The following HTT variants were observed in gnomAD, a reference collection of about 807,000 sequenced individuals.
The protein encoded by HTT is huntington disease protein.
HTT carries 104 observed loss-of-function variants against 362.3 expected under a neutral mutation model. That is an observed-to-expected ratio of 0.29 (90% CI 0.24 to 0.34). The LOEUF is 0.34. Among genes scored for constraint, HTT ranks in the 10% least tolerant of loss-of-function variants. The probability of loss-of-function intolerance (pLI) is 1.00; values close to 1 mark genes in which losing one functional copy is unlikely to be tolerated. For missense variants in HTT, 3,301 were observed against 3,928.6 expected, an observed-to-expected ratio of 0.84 and a Z score of 4.27; for synonymous variants, 1,577 against 1,548.7, an observed-to-expected ratio of 1.02 and a Z score of -0.43.
intron 2 of HTT, among the ~76,000 whole-genome samples, chr4:3,097,933 G>A (rs1389709147): frequency 6.6e-6 from 1 of 152,144 alleles, no homozygotes; most frequent in African/African-American, 2.4e-5. Context: ...TGAAAATTTA[G>A]TGTCTGAATT....
At chr4:3,093,534 T>C (rs1027060813) in intron 2 of HTT, among the ~76,000 whole-genome samples, 3 of 152,150 alleles carry the variant, frequency 2.0e-5, no homozygotes, top group African/African-American at 7.2e-5. Flanking sequence ...CAAGTCCTAA[T>C]CCCTGGAGCC....
intron 2 of HTT, among the ~76,000 whole-genome samples, chr4:3,094,236 A>G (rs1713690952): frequency 6.6e-6 from 1 of 152,100 alleles, no homozygotes; most frequent in South Asian, 2.1e-4. Context: ...GGTTGGGGGT[A>G]AGGTTATAGA....
At chr4:3,187,533 G>T (rs1286389058) in intron 38 of HTT, 118 bp from the exon 39 acceptor site, 2 of 711,712 alleles carry the variant, frequency 2.8e-6, no homozygotes, top group Non-Finnish European at 4.9e-6. Context: ...CAGTGATAGA[G>T]AGGTTTATTG....
intron 6 of HTT, 33 bp from the exon 7 acceptor site, chr4:3,115,271 A>T (rs10488839): frequency 3.1e-6 from 5 of 1,602,406 alleles, no homozygotes; most frequent in Non-Finnish European, 4.3e-6. Context: ...TAGGAGCTTC[A>T]TCTTTTATCT....
intron 1 of HTT, among the ~76,000 whole-genome samples, chr4:3,079,860 G>A (rs1300628328): frequency 6.6e-6 from 1 of 152,190 alleles, no homozygotes; most frequent in Admixed American, 6.5e-5. Context: ...ACCGGCTGTC[G>A]GCTGTGGGCA....
At chr4:3,132,934 C>T (rs1225219405) in intron 18 of HTT, 23 bp downstream of exon 18, 1 of 1,517,384 alleles carries the variant, frequency 6.6e-7, no homozygotes, top group Non-Finnish European at 9.2e-7. Flanking sequence ...TTCTGTGGAA[C>T]CATTTCTTCA....
chr4:3,192,749 T>C (rs1373241310), intron 40 of HTT, among the ~76,000 whole-genome samples: 1 of 152,224 alleles, frequency 6.6e-6, no homozygotes, highest in Non-Finnish European at 1.5e-5. Flanking sequence ...CAGGGTGCTT[T>C]TGTGATCAAA....
At chr4:3,155,997 A>G (rs1316366674) in intron 27 of HTT, among the ~76,000 whole-genome samples, 1 of 152,138 alleles carries the variant, frequency 6.6e-6, no homozygotes, top group Non-Finnish European at 1.5e-5. Flanking sequence ...GAACACTTAA[A>G]ATCTACTCTT....
At chr4:3,229,726 C>T (rs1045938266) in intron 59 of HTT, among the ~76,000 whole-genome samples, 161 bp from the exon 60 acceptor site, 1 of 152,164 alleles carries the variant, frequency 6.6e-6, no homozygotes, top group African/African-American at 2.4e-5. Context: ...CACACAGACA[C>T]AGCACACGCA....
At chr4:3,095,315 A>G (rs1713796724) in intron 2 of HTT, among the ~76,000 whole-genome samples, 1 of 152,378 alleles carries the variant, frequency 6.6e-6, no homozygotes, top group African/African-American at 2.4e-5. Flanking sequence ...ACTTGCAGTC[A>G]GGAGCTGGAG....
At chr4:3,146,757 A>G (rs377710778) in intron 24 of HTT, 40 bp from the exon 25 acceptor site, 1 of 1,595,940 alleles carries the variant, frequency 6.3e-7, no homozygotes, top group Non-Finnish European at 8.6e-7. Context: ...GTTTGCTTAA[A>G]AATTGTCTAT....
In HTT at chr4:3,240,015, C is replaced by T; in HGVS notation, c.9385C>T (p.Leu3129=). The part of the protein sequence containing the change: ...VAAPGSPYHR[L]LTCLRNVHKV... ...AGCCCCAGGAAGCCCATATCACCGG[C>T]TGCTGACTTGTTTACGAAATGTCCA... The change falls in exon 67 of 67, where the codon CTG becomes TTG. Residue 3129 remains leucine, a synonymous_variant. Coordinates refer to ENST00000355072, the MANE Select transcript of HTT (RefSeq NM_001388492.1). The T allele has an allele frequency of 6.2e-7, 1 of 1,601,350 alleles. No homozygotes were observed. Among genetic ancestry groups the T allele is most frequent in the Non-Finnish European group, 8.5e-7 (1 of 1,173,592 alleles).
chr4:3,175,775 G>A (rs950564957), intron 33 of HTT, among the ~76,000 whole-genome samples: 34 of 152,198 alleles, frequency 2.2e-4, no homozygotes, highest in African/African-American at 7.9e-4. Context: ...CCTTTTCATC[G>A]TCAAAATTTA....
chr4:3,172,302 T>A lies in HTT; in HGVS notation c.3865-18T>A. On this transcript the variant is annotated intron_variant, in intron 29 of 66. Coordinates refer to ENST00000355072, the MANE Select transcript of HTT (RefSeq NM_001388492.1). ...GGTCATCTCTGAGTCGCTTAATGTC[T>A]CACTTGTCTTTCTACAGTGTGTTGA... The A allele has an allele frequency of 1.3e-6, 2 of 1,483,026 alleles. No individual in the cohort carries two copies. The highest frequency in any genetic ancestry group is 1.9e-6 in the Non-Finnish European group (2 of 1,060,186). 91.9% of individuals were successfully genotyped at this position (1,483,026 alleles called of 1,614,324 possible). A position where few individuals can be genotyped will look rare whatever the true frequency, so the allele number is the denominator to read the frequency against.
intron 29 of HTT, among the ~76,000 whole-genome samples, chr4:3,170,490 C>T (rs1717920303): frequency 6.6e-6 from 1 of 152,152 alleles, no homozygotes; most frequent in Admixed American, 6.5e-5. Flanking sequence ...TGCTTCTTTC[C>T]CTGGCCTCAG....
chr4:3,094,404 T>C (rs111366411), intron 2 of HTT, among the ~76,000 whole-genome samples: 12 of 152,306 alleles, frequency 7.9e-5, no homozygotes, highest in African/African-American at 2.9e-4. Flanking sequence ...ACCGTCATCA[T>C]GGACTGTTCT....
In HTT at chr4:3,121,382, A is replaced by G; in HGVS notation, c.1223A>G (p.Lys408Arg). ...GGCATTGGGCAGCTCACCGCTGCTA[A>G]GGAGGAGTCTGGTGGCCGAAGCCGT... is the stretch of plus-strand genomic sequence containing the variant. ...VGGIGQLTAA[K>R]EESGGRSRSG... is the part of the protein sequence containing the mutation. Residue 408 changes from lysine to arginine, a missense_variant, in exon 9 of 67, where the codon AAG (lysine) becomes AGG (arginine). Lys to Arg is a conservative substitution (Grantham distance 26). Coordinates refer to ENST00000355072, the MANE Select transcript of HTT (RefSeq NM_001388492.1). The G allele has an allele frequency of 6.2e-7, 1 of 1,614,186 alleles. No homozygotes were observed. Among genetic ancestry groups the G allele is most frequent in the Non-Finnish European group, 8.5e-7 (1 of 1,180,010 alleles).
chr4:3,139,302 A>G (rs1716225467), intron 21 of HTT, among the ~76,000 whole-genome samples: 1 of 152,014 alleles, frequency 6.6e-6, no homozygotes, highest in African/African-American at 2.4e-5. Flanking sequence ...GGTTCAAGCG[A>G]TTTTCCTGCC....
intron 2 of HTT, among the ~76,000 whole-genome samples, chr4:3,093,605 A>T (rs1267200708): frequency 1.3e-5 from 2 of 152,154 alleles, no homozygotes; most frequent in Non-Finnish European, 2.9e-5. Context: ...GGATCTTGAG[A>T]TGAGGGGGCT....
Sources: allele counts gnomAD v4.1 joint callset (sites outside exome capture counted in the v4.1 genomes callset), GRCh38; gene constraint gnomAD v4.1.1; transcripts MANE v1.5; gene names NCBI Gene and HGNC (gene_info 2026-07-23, HGNC 2026-07-21).